Variants in PCDH9 observed in about 807,000 individuals in gnomAD.
The protein encoded by PCDH9 is protocadherin-9.
A neutral mutation model predicts 70.6 loss-of-function variants in PCDH9; 24 were observed. The observed-to-expected ratio is 0.34, with a 90% CI of 0.25 to 0.48. The LOEUF (loss-of-function observed/expected upper bound fraction) is 0.48, where lower values mean the gene tolerates loss of function less well. Ranked by LOEUF, PCDH9 falls within the 20% of genes least tolerant of loss-of-function variation. The pLI, the probability that PCDH9 is intolerant of heterozygous loss-of-function variation, is 0.99. For missense variants in PCDH9, 1,281 were observed against 1,503.6 expected (o/e 0.85, Z 2.45); for synonymous variants, 562 against 558.5 (o/e 1.01, Z -0.09).
intron 2 of PCDH9, among the ~76,000 whole-genome samples, chr13:66,934,798 G>A (rs1344340311): frequency 1.2e-4 from 14 of 115,104 alleles, no homozygotes; most frequent in Non-Finnish European, 2.1e-4. Flanking sequence ...TCGGCTCACT[G>A]CAAGCTCCGC....
Position 66,982,158 on chromosome 13 carries a change from G to C in PCDH9, c.3037-78553C>G, listed in dbSNP as rs147877527. Among the ~76,000 whole-genome samples the C allele has an allele frequency of 6.5e-3, 984 of 152,304 alleles. 14 individuals carry two copies. Among genetic ancestry groups the C allele is most frequent in the African/African-American group, 0.022 (932 of 41,558 alleles). On this transcript the variant is annotated intron_variant, in intron 2 of 4. Transcript: ENST00000377865. ...CTTGCTCCTGCTTTCACAATGTGAA[G>C]TGCCTGCTCCGGCTTCGCCTTCCAC...
chr13:66,600,765 C>CGTGTGTGTGTGTGTGT (rs10579707), intron 4 of PCDH9, among the ~76,000 whole-genome samples: 1 of 132,940 alleles, frequency 7.5e-6, no homozygotes, highest in African/African-American at 2.7e-5. Context: ...TAATTAAGAA[C>CGTGTGTGTGTGTGTGT]GTGTGTGTGT....
At chr13:66,511,457 G>A (rs148486896) in intron 4 of PCDH9, among the ~76,000 whole-genome samples, 58 of 152,014 alleles carry the variant, frequency 3.8e-4, no homozygotes, top group African/African-American at 1.4e-3. Flanking sequence ...TTAATGCAAA[G>A]CACTTACATA....
Position 67,228,112 on chromosome 13 carries a change from A to G in PCDH9, c.329T>C (p.Phe110Ser). ...GASYAEENEC[F>S]FELEVVILPN... ...GAGGATCACCACCTCAAGTTCAAAGAAACACTCATTCTCCTCAGCATATGA... is the reference window on the plus strand; with the variant it reads ...GAGGATCACCACCTCAAGTTCAAAGGAACACTCATTCTCCTCAGCATATGA... The change falls in exon 2 of 5, where the codon TTC (phenylalanine) becomes TCC (serine). Residue 110 changes from phenylalanine to serine, a missense_variant. Phe to Ser is a radical substitution (Grantham distance 155). This residue lies in a region of PCDH9 where 798 missense variants were observed against 1,003.1 expected (regional missense o/e 0.80). Transcript: ENST00000377865. 1 of 1,614,172 alleles carries G rather than the reference A, an allele frequency of 6.2e-7. No homozygotes were observed. The highest frequency in any genetic ancestry group is 8.5e-7 in the Non-Finnish European group (1 of 1,180,004).
chr13:66,888,773 T>C (rs1296260642), intron 3 of PCDH9, among the ~76,000 whole-genome samples: 2 of 152,106 alleles, frequency 1.3e-5, no homozygotes, highest in Non-Finnish European at 2.9e-5. Flanking sequence ...AGTAAACAAA[T>C]TTTTATCTGC....
At chr13:66,926,741 G>T (rs546664918) in intron 2 of PCDH9, among the ~76,000 whole-genome samples, 2 of 152,032 alleles carry the variant, frequency 1.3e-5, no homozygotes, top group Non-Finnish European at 2.9e-5. Context: ...TTCCACAAGC[G>T]TTTTTCATGT....
At chr13:67,085,640 G>A (rs2086092248) in intron 2 of PCDH9, among the ~76,000 whole-genome samples, 1 of 152,174 alleles carries the variant, frequency 6.6e-6, no homozygotes, top group Non-Finnish European at 1.5e-5. Flanking sequence ...AGAGAGACAA[G>A]TTATTGAATG....
chr13:66,638,842 C>G (rs1472869746), intron 3 of PCDH9, among the ~76,000 whole-genome samples: 1 of 152,164 alleles, frequency 6.6e-6, no homozygotes, highest in African/African-American at 2.4e-5. Flanking sequence ...CTTTTAAGAG[C>G]CCTGCCCTGT....
intron 2 of PCDH9, among the ~76,000 whole-genome samples, chr13:67,076,596 G>A (rs1008620198): frequency 6.6e-6 from 1 of 152,100 alleles, no homozygotes; most frequent in East Asian, 1.9e-4. Context: ...CTTCTCCACT[G>A]AAGCATTACT....
At chr13:67,124,520 C>T (rs2086939059) in intron 2 of PCDH9, among the ~76,000 whole-genome samples, 2 of 152,136 alleles carry the variant, frequency 1.3e-5, no homozygotes, top group African/African-American at 4.8e-5. Context: ...GGTAGAAGGT[C>T]CTATGGGGCT....
At position 66,749,526 on chromosome 13, in the gene PCDH9, T is replaced by C. The variant is rs114850806; in HGVS notation, c.3139-118115A>G. On this transcript the variant is annotated intron_variant, in intron 3 of 4. Coordinates refer to ENST00000377865, the MANE Select transcript of PCDH9 (RefSeq NM_203487.3). ...CTGGTTTAGAGTCCAAGGGACATAATTGTATTAAGAATTCAGTTCTGGAAT... is the reference window on the plus strand; with the variant it reads ...CTGGTTTAGAGTCCAAGGGACATAACTGTATTAAGAATTCAGTTCTGGAAT... Among the ~76,000 whole-genome samples, 873 of 152,278 alleles carry C rather than the reference T, an allele frequency of 5.7e-3. 8 individuals are homozygous for C. The highest frequency in any genetic ancestry group is 0.02 in the African/African-American group (829 of 41,560).
chr13:66,759,132 C>T (rs2079583066), intron 3 of PCDH9, among the ~76,000 whole-genome samples: 1 of 151,972 alleles, frequency 6.6e-6, no homozygotes, highest in Non-Finnish European at 1.5e-5. Flanking sequence ...CTGATCTTTA[C>T]TGCTATCAAT....
chr13:66,615,549 T>C (rs1319029885), intron 4 of PCDH9, among the ~76,000 whole-genome samples: 1 of 152,220 alleles, frequency 6.6e-6, no homozygotes, highest in Non-Finnish European at 1.5e-5. Flanking sequence ...AGATGGTTCA[T>C]AATGAACTAT....
chr13:67,070,850 T>C (rs2085747800), intron 2 of PCDH9, among the ~76,000 whole-genome samples: 1 of 152,164 alleles, frequency 6.6e-6, no homozygotes, highest in South Asian at 2.1e-4. Context: ...TCACAGTTTA[T>C]ATTTAGGCAA....
intron 4 of PCDH9, among the ~76,000 whole-genome samples, chr13:66,409,528 A>G (rs1957336787): frequency 6.6e-6 from 1 of 151,686 alleles, no homozygotes; most frequent in Non-Finnish European, 1.5e-5. Context: ...ACATCTGAAC[A>G]TTATTACAAA....
chr13:66,933,066 C>T (rs181768442), intron 2 of PCDH9, among the ~76,000 whole-genome samples: 227 of 151,742 alleles, frequency 1.5e-3, no homozygotes, highest in Admixed American at 2.3e-3. Flanking sequence ...ATTGGACACT[C>T]GTTATATTTT....
chr13:66,735,527 G>A (rs1377081764), intron 3 of PCDH9, among the ~76,000 whole-genome samples: 1 of 151,954 alleles, frequency 6.6e-6, no homozygotes, highest in African/African-American at 2.4e-5. Flanking sequence ...TCTTAAATAT[G>A]AGCACATTTA....
At chr13:66,353,516 A>G (rs965932719) in intron 4 of PCDH9, among the ~76,000 whole-genome samples, 1 of 152,090 alleles carries the variant, frequency 6.6e-6, no homozygotes, top group African/African-American at 2.4e-5. Flanking sequence ...ACTCAATTTT[A>G]GATTATTGCT....
intron 4 of PCDH9, among the ~76,000 whole-genome samples, chr13:66,540,445 G>A (rs1210559266): frequency 6.6e-6 from 1 of 152,034 alleles, no homozygotes; most frequent in African/African-American, 2.4e-5. Context: ...TCTGCTGCAT[G>A]AACACCATAA....
Sources: allele counts gnomAD v4.1 joint callset (sites outside exome capture counted in the v4.1 genomes callset), GRCh38; gene constraint gnomAD v4.1.1; regional missense constraint gnomAD v4.1.1; transcripts MANE v1.5; gene names NCBI Gene and HGNC (gene_info 2026-07-23, HGNC 2026-07-21).